The following COL11A1 variants were observed in gnomAD, a reference collection of about 807,000 sequenced individuals.
The protein encoded by COL11A1 is collagen alpha-1(XI) chain.
COL11A1 carries 74 observed loss-of-function variants against 265.2 expected under a neutral mutation model. That is an observed-to-expected ratio of 0.28 (90% CI 0.23 to 0.34). The LOEUF is 0.34. Among genes scored for constraint, COL11A1 ranks in the 10% least tolerant of loss-of-function variants. COL11A1 has a pLI of 1.00. For synonymous variants in COL11A1, 816 were observed against 727.6 expected, an observed-to-expected ratio of 1.12 and a Z score of -1.96; for missense variants, 2,165 against 2,263.6, an observed-to-expected ratio of 0.96 and a Z score of 0.88.
At position 103,014,592 on chromosome 1, in the gene COL11A1, G is replaced by C. The variant is rs755704308; in HGVS notation, c.1491C>G (p.Phe497Leu). 1.9e-6 allele frequency: 3 copies of C among 1,613,128 alleles called. No homozygotes were observed. In the Admixed American group the frequency reaches 5.0e-5, roughly 27 times the overall value. ...GPPGTMLMLP[F>L]RYGGDGSKGP... ...CTTTGGAACCATCACCACCATAACG[G>C]AACTTGGAAGAGATAACATTAAGAA... Residue 497 changes from phenylalanine (F) to leucine (L), a missense_variant and splice_region_variant, in exon 13 of 67, where the codon TTC becomes TTG. Transcript: ENST00000370096.
chr1:103,022,957 T>C lies in COL11A1; in HGVS notation c.1030A>G (p.Thr344Ala). ...VEEIFTEEYL[T>A]GEDYDSQRKN... Reference sequence around the variant, plus strand: ...CTCTGGGAATCATAATCCTCTCCCGTTAGATATTCTTCAGTAAATATTTCT... The same window carrying C: ...CTCTGGGAATCATAATCCTCTCCCGCTAGATATTCTTCAGTAAATATTTCT... The change falls in exon 8 of 67, where the codon ACG becomes GCG. Residue 344 changes from threonine to alanine, a missense_variant. Coordinates refer to ENST00000370096, the MANE Select transcript of COL11A1 (RefSeq NM_001854.4). The C allele has an allele frequency of 6.2e-7, 1 of 1,613,122 alleles. No individual in the cohort carries two copies. Among genetic ancestry groups the C allele is most frequent in the Non-Finnish European group, 8.5e-7 (1 of 1,179,448 alleles).
rs1649690509 is a variant in COL11A1 at position 102,877,927 on chromosome 1, C to T, written c.*92G>A. ...TGTATATGCAGCGTTGTTTTCTATACCATCCTTATTCAAAACTTGCATGTG... is the reference window on the plus strand; with the variant it reads ...TGTATATGCAGCGTTGTTTTCTATATCATCCTTATTCAAAACTTGCATGTG... On this transcript the variant is annotated 3_prime_UTR_variant, in exon 67 of 67. Coordinates refer to ENST00000370096, the MANE Select transcript of COL11A1 (RefSeq NM_001854.4). 15 of 1,337,702 alleles carry T rather than the reference C, an allele frequency of 1.1e-5. No homozygotes were observed. The South Asian group carries it at 1.7e-4, about 15-fold the overall frequency. The allele number at this position is 1,337,702 out of a possible 1,614,324, so 82.9% of individuals were successfully genotyped here.
intron 1 of COL11A1, among the ~76,000 whole-genome samples, chr1:103,092,087 T>G (rs923104877): frequency 2.6e-5 from 4 of 152,030 alleles, no homozygotes; most frequent in African/African-American, 9.7e-5. Flanking sequence ...TATTCTGAAG[T>G]GTAATTAATG....
intron 1 of COL11A1, among the ~76,000 whole-genome samples, chr1:103,107,143 G>A (rs1674756267): frequency 1.3e-5 from 2 of 152,048 alleles, no homozygotes; most frequent in Non-Finnish European, 2.9e-5. Context: ...AAGGCGGAGG[G>A]GAGGAGTGAA....
In COL11A1 at chr1:102,883,292, A is replaced by G. The variant is rs1570618762; in HGVS notation, c.4878T>C (p.Pro1626=). 3.1e-6 allele frequency: 5 copies of G among 1,612,822 alleles called. No individual in the cohort carries two copies. The highest frequency in any genetic ancestry group is 4.2e-6 in the Non-Finnish European group (5 of 1,178,978). Reference sequence around the variant, plus strand: ...AGGAATCTCCTGAGCAACCTTGGTTAGGATCAATCCAATATTCACCTAGAA... The same window carrying G: ...AGGAATCTCCTGAGCAACCTTGGTTGGGATCAATCCAATATTCACCTAGAA... ...DFPDGEYWID[P]NQGCSGDSFK... is the part of the protein sequence containing the mutation. Residue 1626 remains proline (P), a synonymous_variant, in exon 64 of 67, where the codon CCT becomes CCC. Transcript: ENST00000370096.
intron 1 of COL11A1, among the ~76,000 whole-genome samples, chr1:103,095,982 TAAC>T (rs1673725095): frequency 6.6e-6 from 1 of 152,054 alleles, no homozygotes; most frequent in Non-Finnish European, 1.5e-5. Context: ...GATACACTGA[TAAC>T]AAGCTGTATA....
intron 4 of COL11A1, among the ~76,000 whole-genome samples, chr1:103,045,219 T>C (rs1669149898): frequency 6.6e-6 from 1 of 152,184 alleles, no homozygotes; most frequent in South Asian, 2.1e-4. Flanking sequence ...CATAAGGTCC[T>C]GCAGACTATT....
chr1:102,899,203 G>T (rs1456111392), intron 54 of COL11A1, among the ~76,000 whole-genome samples: 2 of 151,816 alleles, frequency 1.3e-5, no homozygotes, highest in African/African-American at 4.8e-5. Context: ...CACAAATTAA[G>T]TATACAACAA....
intron 4 of COL11A1, among the ~76,000 whole-genome samples, chr1:103,064,416 C>T (rs1000231290): frequency 1.3e-5 from 2 of 152,002 alleles, no homozygotes; most frequent in African/African-American, 4.8e-5. Flanking sequence ...GAGGGCCAGG[C>T]GCGGTGGCTC....
intron 57 of COL11A1, among the ~76,000 whole-genome samples, chr1:102,891,880 C>A (rs1283890713): frequency 6.6e-6 from 1 of 151,960 alleles, no homozygotes; most frequent in Non-Finnish European, 1.5e-5. Context: ...AACACCCTGT[C>A]GCTAGAGAAA....
intron 54 of COL11A1, among the ~76,000 whole-genome samples, chr1:102,902,096 G>A (rs761671189): frequency 1.3e-5 from 2 of 152,086 alleles, no homozygotes; most frequent in Admixed American, 6.5e-5. Context: ...GATGAGAGAG[G>A]GATGGCTTCT....
chr1:102,998,168 G>T, intron 25 of COL11A1, 142 bp downstream of exon 25: 1 of 708,818 alleles, frequency 1.4e-6, no homozygotes, highest in Non-Finnish European at 2.4e-6. Context: ...ATGATGAAAG[G>T]TATTTTAGAG....
At position 103,046,063 on chromosome 1, in the gene COL11A1, G is replaced by C. The variant is rs1054949812; in HGVS notation, c.652-14819C>G. The stretch of plus-strand genomic sequence containing the variant: ...TTCCAAGTCTTTGCTATTTTGAATA[G>C]TGCTGCAATAAACATACGTGTGCAT... On this transcript the variant is annotated intron_variant, in intron 4 of 66. Coordinates refer to ENST00000370096, the MANE Select transcript of COL11A1 (RefSeq NM_001854.4). Among the ~76,000 whole-genome samples the C allele has an allele frequency of 2.6e-5, 4 of 151,350 alleles. No homozygotes were observed. The Admixed American group carries it at 2.6e-4, about 10-fold the overall frequency.
intron 54 of COL11A1, among the ~76,000 whole-genome samples, chr1:102,901,713 A>T (rs1301086122): frequency 2.6e-5 from 4 of 152,200 alleles, no homozygotes; most frequent in African/African-American, 9.6e-5. Flanking sequence ...CTCCACCAGT[A>T]GTTATTGTTA....
Position 103,025,548 on chromosome 1 carries a change from A to G in COL11A1, c.963T>C (p.Ala321=). 6.2e-7 allele frequency: 1 copy of G among 1,613,410 alleles called. No individual in the cohort carries two copies. Among genetic ancestry groups the G allele is most frequent in the Non-Finnish European group, 8.5e-7 (1 of 1,179,534 alleles). ...YGTMESYQTE[A]PRHVSGTNEP... ...CATTTGTCCCAGAAACATGCCTAGG[A>G]GCTTCTGTCTGGTAACTTTCCATTG... The change falls in exon 7 of 67, where the codon GCT becomes GCC. Residue 321 remains alanine, a synonymous_variant. Transcript: ENST00000370096.
At chr1:103,100,655 T>C (rs1341463222) in intron 1 of COL11A1, 2 of 151,940 alleles carry the variant, frequency 1.3e-5, no homozygotes, top group African/African-American at 2.4e-5. Flanking sequence ...GATGTGTACA[T>C]TAATATTAGG....
At position 102,995,492 on chromosome 1, in the gene COL11A1, AGG is replaced by A. The variant is rs142930108; in HGVS notation, c.2340+370_2340+371del. 7.9e-3 allele frequency among the ~76,000 whole-genome samples: 1,198 copies of A among 152,150 alleles called. 22 individuals carry two copies. Among genetic ancestry groups the A allele is most frequent in the African/African-American group, 0.027 (1,135 of 41,526 alleles). On this transcript the variant is annotated intron_variant, in intron 28 of 66. Coordinates refer to ENST00000370096, the MANE Select transcript of COL11A1 (RefSeq NM_001854.4). ...GTTTAAACATTTTGGGGATTTCAGT[AGG>A]GAAAAAAGGAATAAATATTCATATG...
intron 54 of COL11A1, among the ~76,000 whole-genome samples, chr1:102,911,634 T>C (rs1654691011): frequency 6.6e-6 from 1 of 152,190 alleles, no homozygotes; most frequent in Admixed American, 6.5e-5. Flanking sequence ...CTGTGGCCAA[T>C]ATTGTCAGCA....
intron 7 of COL11A1, among the ~76,000 whole-genome samples, chr1:103,025,034 C>T (rs1571075482): frequency 1.3e-5 from 2 of 152,126 alleles, no homozygotes; most frequent in South Asian, 4.1e-4. Context: ...ACATTCCTAA[C>T]AAGTTTGAAA....
Sources: allele counts gnomAD v4.1 joint callset (sites outside exome capture counted in the v4.1 genomes callset), GRCh38; gene constraint gnomAD v4.1.1; transcripts MANE v1.5; gene names NCBI Gene and HGNC (gene_info 2026-07-23, HGNC 2026-07-21).